CCM2: variants seen among roughly 807,000 people sequenced by gnomAD.
CCM2 encodes CCM2 scaffold protein.
CCM2 carries 25 observed loss-of-function variants against 44.9 expected under a neutral mutation model. The ratio of observed to expected loss-of-function variants is 0.56; its 90% CI spans 0.41 to 0.78. The LOEUF (loss-of-function observed/expected upper bound fraction) is 0.78. Among genes scored for constraint, CCM2 ranks in the 30% least tolerant of loss-of-function variants. CCM2 has a pLI of 0.00. For synonymous variants in CCM2, 219 were observed against 241.1 expected, an observed-to-expected ratio of 0.91 and a Z score of 0.85; for missense variants, 481 against 580.6, an observed-to-expected ratio of 0.83 and a Z score of 1.76.
At chr7:45,039,252 C>A (rs1215679286) in intron 2 of CCM2, among the ~76,000 whole-genome samples, 1 of 152,210 alleles carries the variant, frequency 6.6e-6, no homozygotes, top group Non-Finnish European at 1.5e-5. Flanking sequence ...GAGACCAAGA[C>A]AGAAGATAAG....
chr7:45,014,704 C>T (rs1583849651), intron 1 of CCM2, among the ~76,000 whole-genome samples: 1 of 151,430 alleles, frequency 6.6e-6, no homozygotes, highest in East Asian at 1.9e-4. Context: ...TCACTCCAAC[C>T]TCCACCTCCT....
chr7:45,063,738 G>T lies in CCM2; in HGVS notation c.205-180G>T, dbSNP rs371773331. Among the ~76,000 whole-genome samples the T allele has an allele frequency of 7.9e-5, 12 of 152,156 alleles. No homozygotes were observed. In the South Asian group the frequency reaches 2.5e-3, roughly 32 times the overall value. On this transcript the variant is annotated intron_variant, in intron 2 of 9. Transcript: ENST00000258781. ...GGCAGCACTGTCCTCAGCCAGTAGA[G>T]ATTTCTGTAAGAACCCAGGACTCTC...
chr7:45,031,120 C>G (rs1294354860), intron 1 of CCM2, among the ~76,000 whole-genome samples: 3 of 151,886 alleles, frequency 2.0e-5, no homozygotes, highest in African/African-American at 7.3e-5. Flanking sequence ...CAGTGGCTTA[C>G]ACCTGTAATC....
intron 1 of CCM2, among the ~76,000 whole-genome samples, chr7:45,004,110 G>T (rs1245005054): frequency 2.0e-5 from 3 of 152,142 alleles, no homozygotes; most frequent in African/African-American, 7.2e-5. Flanking sequence ...AGCCCTGGAG[G>T]TCGAGGCTGC....
Position 45,008,350 on chromosome 7 carries a change from C to G in CCM2, c.30+7987C>G, listed in dbSNP as rs562031589. On this transcript the variant is annotated intron_variant, in intron 1 of 9. Coordinates refer to ENST00000258781, the MANE Select transcript of CCM2 (RefSeq NM_031443.4). ...GTGCCACCGTGCCTGGCCAAGGGTA[C>G]ATGTTCTTTTTTTTTTTTTTTTTTT... is the stretch of plus-strand genomic sequence containing the variant. 3.7e-4 allele frequency among the ~76,000 whole-genome samples: 51 copies of G among 139,040 alleles called. No individual in the cohort carries two copies. In the East Asian group the frequency reaches 0.011, roughly 30 times the overall value. The allele number at this position is 139,040 out of a possible 152,430, so 91.2% of individuals were successfully genotyped here.
chr7:45,010,794 C>T (rs970863627), intron 1 of CCM2, among the ~76,000 whole-genome samples: 2 of 152,002 alleles, frequency 1.3e-5, no homozygotes, highest in Non-Finnish European at 1.5e-5. Flanking sequence ...GATGGGGTTT[C>T]ACCATGTTGG....
At chr7:45,063,890 T>A in intron 2 of CCM2, 28 bp from the exon 3 acceptor site, 1 of 1,503,250 alleles carries the variant, frequency 6.7e-7, no homozygotes. Flanking sequence ...CCATTTCTCA[T>A]GGCATTTTTT....
rs145003686 is a variant in CCM2, at chr7:45,073,455, C to G, written c.804-5C>G. 3.1e-6 allele frequency: 5 copies of G among 1,610,460 alleles called. No individual in the cohort carries two copies. The highest frequency in any genetic ancestry group is 1.3e-5 in the African/African-American group (1 of 74,888). The stretch of plus-strand genomic sequence containing the variant: ...CACCCGCTCACATACCACATTCTTT[C>G]GCAGCTGCTTCCCTGAATCTGTGGA... On this transcript the variant is annotated splice_region_variant and splice_polypyrimidine_tract_variant and intron_variant, in intron 7 of 9. Coordinates refer to ENST00000258781, the MANE Select transcript of CCM2 (RefSeq NM_031443.4).
At position 45,076,069 on chromosome 7, in the gene CCM2, TG is replaced by T. The variant is rs3214691; in HGVS notation, c.*19del. The T allele has an allele frequency of 1.9e-5, 31 of 1,612,588 alleles. No homozygotes were observed. In the East Asian group the frequency reaches 2.2e-4, roughly 12 times the overall value. On this transcript the variant is annotated 3_prime_UTR_variant, in exon 10 of 10. Transcript: ENST00000258781. Reference sequence around the variant, plus strand: ...AGGACTCAGCATGATGGACAGTGGATGGGGGGGCACCCACACCTTCCGCGCA... The same window carrying T: ...AGGACTCAGCATGATGGACAGTGGATGGGGGGCACCCACACCTTCCGCGCA...
At chr7:45,012,315 G>C (rs1242731119) in intron 1 of CCM2, among the ~76,000 whole-genome samples, 4 of 151,506 alleles carry the variant, frequency 2.6e-5, no homozygotes, top group Non-Finnish European at 5.9e-5. Flanking sequence ...TGTATTTTTA[G>C]TAGAGACGGG....
At chr7:45,025,534 CTT>C (rs5883920) in intron 1 of CCM2, among the ~76,000 whole-genome samples, 138 of 113,244 alleles carry the variant, frequency 1.2e-3, no homozygotes, top group Admixed American at 1.7e-3. Context: ...CTCTCTTTTT[CTT>C]TTTTTTTTTT....
chr7:45,073,163 C>G (rs1799164716), intron 7 of CCM2: 3 of 574,082 alleles, frequency 5.2e-6, no homozygotes, highest in Non-Finnish European at 9.4e-6. Flanking sequence ...TTCCTGCCAC[C>G]TCCCCAACCC....
chr7:45,050,844 G>A (rs972470149), intron 2 of CCM2, among the ~76,000 whole-genome samples: 1 of 152,188 alleles, frequency 6.6e-6, no homozygotes, highest in Non-Finnish European at 1.5e-5. Context: ...TTGCAGCAGA[G>A]CCTGAAACTG....
At chr7:45,010,604 TATA>T (rs1562857725) in intron 1 of CCM2, among the ~76,000 whole-genome samples, 3 of 152,106 alleles carry the variant, frequency 2.0e-5, no homozygotes, top group African/African-American at 4.8e-5. Context: ...TATATATATA[TATA>T]TTTTTTTGAG....
At chr7:45,052,054 G>A (rs2128740471) in intron 2 of CCM2, among the ~76,000 whole-genome samples, 1 of 152,062 alleles carries the variant, frequency 6.6e-6, no homozygotes, top group East Asian at 1.9e-4. Context: ...TTAGCACTAA[G>A]TGAGTCCCTT....
chr7:45,073,136 C>T, intron 7 of CCM2: 4 of 573,584 alleles, frequency 7.0e-6, no homozygotes, highest in Non-Finnish European at 1.3e-5. Context: ...TAGTAGTTCA[C>T]CCACTCGCGC....
At chr7:45,040,166 C>G (rs956236179) in intron 2 of CCM2, among the ~76,000 whole-genome samples, 1 of 150,668 alleles carries the variant, frequency 6.6e-6, no homozygotes, top group Non-Finnish European at 1.5e-5. Flanking sequence ...AGGCCAATCA[C>G]GAGGTCAGGA....
intron 2 of CCM2, among the ~76,000 whole-genome samples, chr7:45,039,098 G>A (rs1045757326): frequency 6.6e-6 from 1 of 152,168 alleles, no homozygotes; most frequent in Non-Finnish European, 1.5e-5. Flanking sequence ...AGTCCAGGGG[G>A]CTCAGGAGGG....
intron 1 of CCM2, among the ~76,000 whole-genome samples, chr7:45,022,269 C>G (rs1383954159): frequency 3.2e-5 from 3 of 93,508 alleles, no homozygotes; most frequent in African/African-American, 8.3e-5. Context: ...ATGTGGGGAT[C>G]ATTATTTTTT....
Sources: allele counts gnomAD v4.1 joint callset (sites outside exome capture counted in the v4.1 genomes callset), GRCh38; gene constraint gnomAD v4.1.1; transcripts MANE v1.5; gene names NCBI Gene and HGNC (gene_info 2026-07-23, HGNC 2026-07-21).